The following NETO1 variants were observed in gnomAD, a reference collection of about 807,000 sequenced individuals.
NETO1 encodes neuropilin and tolloid like 1.
NETO1 carries 26 observed loss-of-function variants against 61.3 expected under a neutral mutation model. The ratio of observed to expected loss-of-function variants is 0.42; its 90% confidence interval spans 0.31 to 0.59. The LOEUF (loss-of-function observed/expected upper bound fraction) is 0.59, where lower values mean the gene tolerates loss of function less well. NETO1 is among the 20% of genes least tolerant of loss of function. The pLI is 0.12. For synonymous variants in NETO1, 225 were observed against 225.8 expected (o/e 1.00, Z 0.03); for missense variants, 531 against 662.8 (o/e 0.80, Z 2.18).
chr18:72,846,639 T>C (rs1326097460), intron 4 of NETO1, among the ~76,000 whole-genome samples: 1 of 151,872 alleles, frequency 6.6e-6, no homozygotes, highest in Non-Finnish European at 1.5e-5. Flanking sequence ...TAAGCATATT[T>C]GTATTTTTTT....
At chr18:72,794,014 C>CGA in intron 6 of NETO1, 103 bp downstream of exon 6, 1 of 1,413,166 alleles carries the variant, frequency 7.1e-7, no homozygotes, top group Non-Finnish European at 9.9e-7. Flanking sequence ...TTGATGGCTG[C>CGA]ACTCTGAAAT....
At chr18:72,831,500 T>C (rs1034733075) in intron 4 of NETO1, among the ~76,000 whole-genome samples, 5 of 152,184 alleles carry the variant, frequency 3.3e-5, no homozygotes, top group African/African-American at 1.2e-4. Flanking sequence ...TGAAGCTGTA[T>C]CTCCCTGTGC....
chr18:72,770,549 T>C (rs1462377875), intron 7 of NETO1, among the ~76,000 whole-genome samples: 1 of 152,144 alleles, frequency 6.6e-6, no homozygotes, highest in Non-Finnish European at 1.5e-5. Flanking sequence ...TATGCTACTA[T>C]ATGACATACA....
intron 7 of NETO1, among the ~76,000 whole-genome samples, chr18:72,761,001 A>G (rs1161905271): frequency 6.6e-6 from 1 of 152,182 alleles, no homozygotes; most frequent in Non-Finnish European, 1.5e-5. Context: ...CCTGTTCTTG[A>G]ACTACCACCA....
chr18:72,847,811 C>T (rs1178171672), intron 4 of NETO1, among the ~76,000 whole-genome samples: 1 of 152,124 alleles, frequency 6.6e-6, no homozygotes, highest in East Asian at 1.9e-4. Flanking sequence ...CCAGTAAAAC[C>T]TTACATTGTT....
chr18:72,754,653 C>A (rs1023716334), intron 8 of NETO1, among the ~76,000 whole-genome samples: 4 of 151,974 alleles, frequency 2.6e-5, no homozygotes, highest in Non-Finnish European at 5.9e-5. Flanking sequence ...GAATTTAGCA[C>A]CCAAGCTTAA....
At chr18:72,848,158 C>T (rs574383538) in intron 4 of NETO1, among the ~76,000 whole-genome samples, 5 of 152,250 alleles carry the variant, frequency 3.3e-5, no homozygotes, top group Admixed American at 1.3e-4. Flanking sequence ...AACTTGATGG[C>T]GACATTAATT....
chr18:72,824,037 T>C (rs188657263), intron 4 of NETO1, among the ~76,000 whole-genome samples: 5 of 152,302 alleles, frequency 3.3e-5, no homozygotes, highest in South Asian at 2.1e-4. Flanking sequence ...ATGTAGAAAA[T>C]AGTGTTGGGA....
rs565489358 is a variant in NETO1 at position 72,754,689 on chromosome 18, G to A, written c.982+1345C>T. Among the ~76,000 whole-genome samples, 3 of 152,162 alleles carry A rather than the reference G, an allele frequency of 2.0e-5. No homozygotes were observed. In the South Asian group the frequency reaches 6.2e-4, roughly 32 times the overall value. ...AATTACATGAAAGAAAAATTTTACA[G>A]AAGTGAAGAGAGAAGTAGACAATTC... On this transcript the variant is annotated intron_variant, in intron 8 of 10. Transcript: ENST00000327305.
Position 72,865,346 on chromosome 18 carries a change from T to A in NETO1, c.29-105A>T. ...AAAATAATATCAAAGCAGATTAATTTTTTCATTGTTAACTGTTAGAAGTCG... is the reference window on the plus strand; with the variant it reads ...AAAATAATATCAAAGCAGATTAATTATTTCATTGTTAACTGTTAGAAGTCG... On this transcript the variant is annotated intron_variant, in intron 1 of 10. Transcript: ENST00000327305. 3 of 1,203,726 alleles carry A rather than the reference T, an allele frequency of 2.5e-6. No homozygotes were observed. In the South Asian group the frequency reaches 4.2e-5, roughly 17 times the overall value. The allele number at this position is 1,203,726 out of a possible 1,614,324, so 74.6% of individuals were successfully genotyped here.
At chr18:72,799,205 T>C (rs929697621) in intron 4 of NETO1, among the ~76,000 whole-genome samples, 4 of 152,196 alleles carry the variant, frequency 2.6e-5, no homozygotes, top group African/African-American at 4.8e-5. Context: ...TACTTTCAGC[T>C]AGCACCATAA....
Position 72,766,613 on chromosome 18 carries a change from T to C in NETO1, c.869-10466A>G, listed in dbSNP as rs144787522. Among the ~76,000 whole-genome samples, 7 of 152,302 alleles carry C rather than the reference T, an allele frequency of 4.6e-5. No homozygotes were observed. In the East Asian group the frequency reaches 1.2e-3, roughly 25 times the overall value. On this transcript the variant is annotated intron_variant, in intron 7 of 10. Transcript: ENST00000327305. ...ATATCCAGTATTATCAAGATGTACA[T>C]ATATTAATCTGTTTTTATACAAGAA...
intron 4 of NETO1, among the ~76,000 whole-genome samples, chr18:72,848,039 T>C (rs543716006): frequency 6.6e-6 from 1 of 152,326 alleles, no homozygotes; most frequent in South Asian, 2.1e-4. Context: ...CTTTTTCACA[T>C]TGTGCCTTCT....
intron 7 of NETO1, among the ~76,000 whole-genome samples, chr18:72,765,965 G>C (rs976979547): frequency 6.6e-6 from 1 of 152,200 alleles, no homozygotes. Flanking sequence ...TCAGCACTTC[G>C]GGAGGCCGAG....
At chr18:72,855,506 C>T (rs957644829) in intron 4 of NETO1, among the ~76,000 whole-genome samples, 14 of 152,328 alleles carry the variant, frequency 9.2e-5, no homozygotes, top group African/African-American at 3.4e-4. Flanking sequence ...AGAAGGGCCT[C>T]CTTTAAGCCC....
chr18:72,761,383 A>G (rs755017821), intron 7 of NETO1, among the ~76,000 whole-genome samples: 31 of 152,244 alleles, frequency 2.0e-4, no homozygotes, highest in Non-Finnish European at 7.3e-5. Flanking sequence ...TATGCATATT[A>G]AATAAAATAC....
chr18:72,810,396 T>G (rs1475892388), intron 4 of NETO1, among the ~76,000 whole-genome samples: 1 of 152,148 alleles, frequency 6.6e-6, no homozygotes, highest in Admixed American at 6.6e-5. Context: ...GTCTCCATCT[T>G]GGGGAATGTG....
chr18:72,753,081 A>C (rs1438791573), intron 8 of NETO1, among the ~76,000 whole-genome samples: 1 of 152,138 alleles, frequency 6.6e-6, no homozygotes, highest in Non-Finnish European at 1.5e-5. Context: ...GGAGAGATGG[A>C]AAGTAACAGG....
chr18:72,789,789 C>T lies in NETO1; in HGVS notation c.639+4328G>A, dbSNP rs73469697. 4.9e-3 allele frequency among the ~76,000 whole-genome samples: 744 copies of T among 152,224 alleles called. 8 individuals carry two copies. Among genetic ancestry groups the T allele is most frequent in the African/African-American group, 0.016 (673 of 41,564 alleles). ...CTTAATCCCCTGATTCTCTTACTTC[C>T]CCTTTCATTCATGTCTAAAGAATCT... On this transcript the variant is annotated intron_variant, in intron 6 of 10. Transcript: ENST00000327305.
Sources: allele counts gnomAD v4.1 joint callset (sites outside exome capture counted in the v4.1 genomes callset), GRCh38; gene constraint gnomAD v4.1.1; transcripts MANE v1.5; gene names NCBI Gene and HGNC (gene_info 2026-07-23, HGNC 2026-07-21).